Variants in SMURF1 observed in about 807,000 individuals in gnomAD.
SMURF1 encodes the protein SMAD specific E3 ubiquitin protein ligase 1, also known as E3 ubiquitin-protein ligase SMURF1.
A neutral mutation model predicts 98.0 loss-of-function variants in SMURF1; 44 were observed. The ratio of observed to expected loss-of-function variants is 0.45; its 90% CI spans 0.35 to 0.58. The LOEUF is 0.58. Ranked by LOEUF, SMURF1 falls within the 20% of genes least tolerant of loss-of-function variation. The pLI, the probability that SMURF1 is intolerant of heterozygous loss-of-function variation, is 0.00. For missense variants in SMURF1, 687 were observed against 938.4 expected (o/e 0.73, Z 3.50); for synonymous variants, 396 against 374.9 (o/e 1.06, Z -0.65).
At chr7:99,052,504 C>T (rs371731409) in intron 6 of SMURF1, 58 bp from the exon 7 acceptor site, 16 of 1,458,296 alleles carry the variant, frequency 1.1e-5, no homozygotes, top group East Asian at 7.3e-5. Flanking sequence ...ACAAGACCAG[C>T]GCCTTAGGGC....
chr7:99,104,615 G>A (rs1251630406), intron 1 of SMURF1, among the ~76,000 whole-genome samples: 1 of 152,174 alleles, frequency 6.6e-6, no homozygotes, highest in East Asian at 1.9e-4. Flanking sequence ...TTAATAGAAT[G>A]TGTGAACGGT....
intron 17 of SMURF1, among the ~76,000 whole-genome samples, chr7:99,032,439 T>C (rs1794938104): frequency 6.6e-6 from 1 of 152,112 alleles, no homozygotes; most frequent in African/African-American, 2.4e-5. Flanking sequence ...GAGGCCGAGG[T>C]GGGCAGATCA....
At chr7:99,124,005 A>G (rs556225487) in intron 1 of SMURF1, among the ~76,000 whole-genome samples, 2 of 152,266 alleles carry the variant, frequency 1.3e-5, no homozygotes, top group African/African-American at 4.8e-5. Context: ...GAAGCACATG[A>G]TTTGGCCAAG....
rs1199024886 is a variant in SMURF1, at chr7:99,066,300, C to T, written c.56-4463G>A. Among the ~76,000 whole-genome samples the T allele has an allele frequency of 1.2e-4, 18 of 152,250 alleles. No homozygotes were observed. In the East Asian group the frequency reaches 3.5e-3, roughly 29 times the overall value. On this transcript the variant is annotated intron_variant, in intron 1 of 17. Transcript: ENST00000361368. ...CCTGTGCAGTCTCAAATATTAGCCA[C>T]CAATTCTGGGCCCTGGTTTTTGGAG...
intron 1 of SMURF1, among the ~76,000 whole-genome samples, chr7:99,068,310 G>A (rs977831231): frequency 1.3e-5 from 2 of 152,156 alleles, no homozygotes; most frequent in African/African-American, 4.8e-5. Context: ...TGTATCTGTA[G>A]AGGTAAGATC....
At chr7:99,073,103 T>G (rs1796365048) in intron 1 of SMURF1, among the ~76,000 whole-genome samples, 1 of 152,034 alleles carries the variant, frequency 6.6e-6, no homozygotes, top group Non-Finnish European at 1.5e-5. Flanking sequence ...ATGAAAACAT[T>G]TTGGTGGCTC....
intron 1 of SMURF1, among the ~76,000 whole-genome samples, chr7:99,125,107 C>T (rs542426200): frequency 1.3e-5 from 2 of 152,076 alleles, no homozygotes; most frequent in South Asian, 2.1e-4. Context: ...GAGACAGGGT[C>T]TTACTCTGTT....
intron 1 of SMURF1, among the ~76,000 whole-genome samples, chr7:99,084,614 G>A (rs1289016023): frequency 6.6e-6 from 1 of 152,048 alleles, no homozygotes; most frequent in Non-Finnish European, 1.5e-5. Context: ...CAATCTCTTG[G>A]CCTCATGATC....
chr7:99,127,290 C>T (rs1303169597), intron 1 of SMURF1, among the ~76,000 whole-genome samples: 1 of 152,078 alleles, frequency 6.6e-6, no homozygotes, highest in Non-Finnish European at 1.5e-5. Context: ...AAGTATACAA[C>T]AATGCACACA....
intron 1 of SMURF1, among the ~76,000 whole-genome samples, chr7:99,093,759 A>C (rs1796868477): frequency 6.6e-6 from 1 of 151,950 alleles, no homozygotes; most frequent in Non-Finnish European, 1.5e-5. Context: ...GCACTTTTCT[A>C]TATATATATA....
chr7:99,057,581 A>G, intron 3 of SMURF1, 30 bp from the exon 4 acceptor site: 1 of 1,483,794 alleles, frequency 6.7e-7, no homozygotes, highest in Non-Finnish European at 8.9e-7. Flanking sequence ...CTCATTTTTA[A>G]TTGTGTTTGG....
intron 17 of SMURF1, among the ~76,000 whole-genome samples, chr7:99,031,731 A>G (rs1215296928): frequency 6.6e-6 from 1 of 152,196 alleles, no homozygotes; most frequent in Non-Finnish European, 1.5e-5. Flanking sequence ...TGGAAAACCA[A>G]GTTAGAATAT....
At chr7:99,071,367 G>A (rs949580899) in intron 1 of SMURF1, among the ~76,000 whole-genome samples, 4 of 152,134 alleles carry the variant, frequency 2.6e-5, no homozygotes, top group African/African-American at 4.8e-5. Flanking sequence ...GCCAAAAACG[G>A]GACACGGAAC....
chr7:99,075,268 C>T (rs556357360), intron 1 of SMURF1, among the ~76,000 whole-genome samples: 4 of 152,218 alleles, frequency 2.6e-5, no homozygotes, highest in Non-Finnish European at 1.5e-5. Context: ...TACAGGCATG[C>T]GCCACCAAGC....
At chr7:99,113,518 C>T (rs1349973883) in intron 1 of SMURF1, among the ~76,000 whole-genome samples, 5 of 152,122 alleles carry the variant, frequency 3.3e-5, no homozygotes, top group Non-Finnish European at 5.9e-5. Context: ...ACAAGAAATG[C>T]TGAGGGGAGT....
rs148898020 is a variant in SMURF1, at chr7:99,038,617, G to A, written c.1551-92C>T. The A allele has an allele frequency of 8.6e-4, 1,275 of 1,486,166 alleles. 11 individuals are homozygous for A. The Middle Eastern group carries it at 0.029, about 33-fold the overall frequency. 92.1% of individuals were successfully genotyped at this position (1,486,166 alleles called of 1,614,324 possible). A position where few individuals can be genotyped will look rare whatever the true frequency, so the allele number is the denominator to read the frequency against. On this transcript the variant is annotated intron_variant, in intron 13 of 17. Coordinates refer to ENST00000361368, the MANE Select transcript of SMURF1 (RefSeq NM_181349.3). ...GAAAACATTTACGACTGCCAAACCC[G>A]GGGCTGCAAGACAGGACAGCCTCGG...
intron 1 of SMURF1, among the ~76,000 whole-genome samples, chr7:99,090,088 T>C (rs1796775943): frequency 2.0e-5 from 3 of 152,052 alleles, no homozygotes; most frequent in South Asian, 2.1e-4. Flanking sequence ...TAAAAGTCAG[T>C]TTGGAAAGGG....
chr7:99,093,345 T>C (rs1796856537), intron 1 of SMURF1, among the ~76,000 whole-genome samples: 1 of 152,202 alleles, frequency 6.6e-6, no homozygotes, highest in African/African-American at 2.4e-5. Flanking sequence ...GTCAAATTTA[T>C]TTTCCTTCCT....
chr7:99,053,002 A>G (rs771486369), intron 6 of SMURF1, among the ~76,000 whole-genome samples: 3 of 152,204 alleles, frequency 2.0e-5, no homozygotes, highest in Non-Finnish European at 4.4e-5. Context: ...GGTTGCAGTG[A>G]GCCAAGATTG....
Sources: allele counts gnomAD v4.1 joint callset (sites outside exome capture counted in the v4.1 genomes callset), GRCh38; gene constraint gnomAD v4.1.1; transcripts MANE v1.5; gene names NCBI Gene and HGNC (gene_info 2026-07-23, HGNC 2026-07-21).